ACTR3C: variants seen among roughly 807,000 people sequenced by gnomAD.
ACTR3C encodes actin-related protein 3C.
ACTR3C carries 18 observed loss-of-function variants against 26.3 expected under a neutral mutation model. That is an observed-to-expected ratio of 0.68 (90% confidence interval 0.47 to 1.01). The LOEUF is 1.01. ACTR3C is among the 50% of genes least tolerant of loss of function. The pLI is 0.00. For synonymous variants in ACTR3C, 55 were observed against 94.5 expected (o/e 0.58, Z 2.42); for missense variants, 184 against 250.7 (o/e 0.73, Z 1.80).
chr7:150,116,497 A>G, the ACTR3C span, among the ~76,000 whole-genome samples: 2 of 152,222 alleles, frequency 1.3e-5, no homozygotes, highest in African/African-American at 4.8e-5. Flanking sequence ...TGCAGAAGGA[A>G]GTATTTGCAA....
At chr7:149,929,294 G>A in the ACTR3C span, among the ~76,000 whole-genome samples, 2 of 151,776 alleles carry the variant, frequency 1.3e-5, no homozygotes, top group African/African-American at 4.8e-5. Flanking sequence ...TGGGCATGGT[G>A]GCTCATGCCT....
the ACTR3C span, among the ~76,000 whole-genome samples, chr7:149,883,401 G>A: frequency 6.6e-6 from 1 of 151,760 alleles, no homozygotes; most frequent in African/African-American, 2.4e-5. Flanking sequence ...AGATGCTCAC[G>A]GACCTACACG....
At chr7:150,032,816 G>A in the ACTR3C span, among the ~76,000 whole-genome samples, 7 of 152,076 alleles carry the variant, frequency 4.6e-5, no homozygotes, top group East Asian at 3.9e-4. Flanking sequence ...TCTGTAGGTC[G>A]TCGTGGAATG....
At chr7:150,047,923 C>T in the ACTR3C span, 3 of 1,297,688 alleles carry the variant, frequency 2.3e-6, no homozygotes, top group Non-Finnish European at 3.0e-6. Context: ...GGTTCCCACT[C>T]CCCACCCCGC....
the ACTR3C span, among the ~76,000 whole-genome samples, chr7:149,927,232 C>T: frequency 1.3e-5 from 2 of 151,852 alleles, no homozygotes; most frequent in Admixed American, 6.6e-5. Context: ...GCTGATTATT[C>T]AAAATAAAAC....
the ACTR3C span, among the ~76,000 whole-genome samples, chr7:149,918,630 C>T: frequency 2.0e-5 from 3 of 152,190 alleles, no homozygotes; most frequent in Admixed American, 2.0e-4. Context: ...GCGGAGGTTG[C>T]AGTGAGTTGA....
the ACTR3C span, among the ~76,000 whole-genome samples, chr7:150,207,077 G>T: frequency 3.3e-5 from 5 of 152,138 alleles, no homozygotes; most frequent in Non-Finnish European, 5.9e-5. Flanking sequence ...ACCCTATAGG[G>T]CCCTTGAGTT....
chr7:150,036,277 C>T, the ACTR3C span, among the ~76,000 whole-genome samples: 922 of 147,482 alleles, frequency 6.3e-3, 14 homozygotes, highest in African/African-American at 0.022. Flanking sequence ...TTATTTGCTT[C>T]TTGTACTAGC....
At chr7:150,168,341 G>A in the ACTR3C span, among the ~76,000 whole-genome samples, 1 of 150,586 alleles carries the variant, frequency 6.6e-6, no homozygotes, top group Non-Finnish European at 1.5e-5. Context: ...CCTGTGTAAG[G>A]GATCTAGTCT....
the ACTR3C span, among the ~76,000 whole-genome samples, chr7:149,896,788 G>C: frequency 1.3e-5 from 2 of 151,926 alleles, no homozygotes; most frequent in Admixed American, 1.3e-4. Flanking sequence ...GGCTGGGCGC[G>C]GTGGCTCACG....
the ACTR3C span, among the ~76,000 whole-genome samples, chr7:150,173,415 G>C: frequency 9.5e-5 from 14 of 147,022 alleles, no homozygotes; most frequent in Non-Finnish European, 1.9e-4. Flanking sequence ...GGAGTAACTG[G>C]GACACAGGGT....
chr7:150,098,403 G>T, the ACTR3C span, among the ~76,000 whole-genome samples: 1 of 151,750 alleles, frequency 6.6e-6, no homozygotes, highest in African/African-American at 2.4e-5. Context: ...GGAGGAAGCT[G>T]GTAAGAGGCC....
chr7:149,883,375 TATC>T, the ACTR3C span, among the ~76,000 whole-genome samples: 11 of 152,070 alleles, frequency 7.2e-5, no homozygotes, highest in South Asian at 6.2e-4. Context: ...CATCAGTAAA[TATC>T]AGCCTCTGAC....
chr7:150,249,173 G>C (rs1490456294), intron 6 of ACTR3C, 119 bp from the exon 7 acceptor site: 1 of 433,212 alleles, frequency 2.3e-6, no homozygotes, highest in East Asian at 3.4e-5. Flanking sequence ...AGCAGCCAGG[G>C]AGAAATGAAA....
chr7:150,305,626 C>T (rs3854303), intron 1 of ACTR3C, among the ~76,000 whole-genome samples: 6 of 152,122 alleles, frequency 3.9e-5, no homozygotes, highest in Admixed American at 6.5e-5. Flanking sequence ...AAATCCCTTC[C>T]GAAGTTCTAA....
chr7:150,207,931 G>T, the ACTR3C span, among the ~76,000 whole-genome samples: 1 of 151,868 alleles, frequency 6.6e-6, no homozygotes, highest in Non-Finnish European at 1.5e-5. Flanking sequence ...AAATCAAAAG[G>T]TATGTACTAA....
At chr7:150,046,996 G>T in the ACTR3C span, among the ~76,000 whole-genome samples, 1 of 152,186 alleles carries the variant, frequency 6.6e-6, no homozygotes, top group Non-Finnish European at 1.5e-5. Context: ...TGGGACAGAG[G>T]GTTGGGGCTC....
At chr7:150,129,208 C>T in the ACTR3C span, among the ~76,000 whole-genome samples, 3 of 151,984 alleles carry the variant, frequency 2.0e-5, no homozygotes, top group Admixed American at 6.6e-5. Context: ...TGGCATTTTC[C>T]ATAACCCAGG....
downstream of ACTR3C, chr7:150,243,969 T>C (rs1832327637): frequency 6.6e-6 from 1 of 151,868 alleles, no homozygotes; most frequent in South Asian, 2.1e-4. Context: ...CACCAGAACC[T>C]GGTGCCTACC....
Sources: gnomAD v4.1 joint callset for allele counts (sites outside exome capture counted in the v4.1 genomes callset) on GRCh38, gnomAD v4.1.1 for gene constraint, MANE v1.5 for transcripts, NCBI Gene and HGNC (gene_info 2026-07-23, HGNC 2026-07-21) for gene names.